Variants in GTPBP1 observed in about 807,000 individuals in gnomAD.
The protein encoded by GTPBP1 is GTP binding protein 1.
Under a neutral mutation model 62.0 loss-of-function variants are expected in GTPBP1, and 23 were observed. The ratio of observed to expected loss-of-function variants is 0.37; its 90% CI spans 0.27 to 0.53. GTPBP1 has a LOEUF of 0.53. Ranked by LOEUF, GTPBP1 falls within the 20% of genes least tolerant of loss-of-function variation. GTPBP1 has a pLI of 0.89. For synonymous variants in GTPBP1, 344 were observed against 364.4 expected, an observed-to-expected ratio of 0.94 and a Z score of 0.64; for missense variants, 640 against 917.3, an observed-to-expected ratio of 0.70 and a Z score of 3.90.
At chr22:38,739,493 C>T (rs1361997172), downstream of GTPBP1, 27 of 1,573,620 alleles carry the variant, frequency 1.7e-5, no homozygotes, top group Middle Eastern at 1.9e-4. This position sits in a 1 kb window ranked among gnomAD's most constrained non-coding sequence, Gnocchi z 6.7. Flanking sequence ...ACCTCGTGGC[C>T]GTGGGCCAAG....
chr22:38,726,014 C>T lies in GTPBP1; in HGVS notation c.1082C>T (p.Pro361Leu), dbSNP rs913175381. 1.2e-6 allele frequency: 2 copies of T among 1,613,934 alleles called. No homozygotes were observed. Among genetic ancestry groups the T allele is most frequent in the African/African-American group, 1.3e-5 (1 of 74,966 alleles). ...CTTCTCCCTCTGCTTAGGATGTGCC[C>T]GATATTCCAGATCTCCAACGTTACA... ...ASNFSSERMC[P>L]IFQISNVTGE... is the part of the protein sequence containing the mutation. The change falls in exon 7 of 12, where the codon CCG becomes CTG. Residue 361 changes from proline (P) to leucine (L), a missense_variant. This residue lies in a region of GTPBP1 where 220 missense variants were observed against 358.1 expected (regional missense o/e 0.61). Coordinates refer to ENST00000216044, the MANE Select transcript of GTPBP1 (RefSeq NM_004286.5). The surrounding 1 kb of genome is among the most constrained non-coding windows in gnomAD (Gnocchi z 4.1).
rs777198868 is a variant in GTPBP1, at chr22:38,727,273, G to T, written c.1462G>T (p.Ala488Ser). ...GGTTTCCCCACGTTTGAATCCCCAAGCCTCCTGGGAGTTTGAGGCCGAGAT... is the reference window on the plus strand; with the variant it reads ...GGTTTCCCCACGTTTGAATCCCCAATCCTCCTGGGAGTTTGAGGCCGAGAT... Reference protein sequence around the residue: ...VMVSPRLNPQASWEFEAEILV... With the variant: ...VMVSPRLNPQSSWEFEAEILV... Residue 488 changes from alanine to serine, a missense_variant, in exon 9 of 12, where the codon GCC (alanine) becomes TCC (serine). By Grantham distance (99) the Ala-to-Ser change is moderately conservative. Around this residue, in one of 4 missense-constraint regions of GTPBP1, gnomAD observed 220 missense variants for 358.1 expected, o/e 0.61. Transcript: ENST00000216044. The surrounding 1 kb of genome is among the most constrained non-coding windows in gnomAD (Gnocchi z 6.5). The T allele has an allele frequency of 1.9e-6, 3 of 1,602,690 alleles. No homozygotes were observed. In the South Asian group the frequency reaches 3.3e-5, roughly 18 times the overall value.
intron 4 of GTPBP1, among the ~76,000 whole-genome samples, chr22:38,718,150 C>T (rs926803519): frequency 6.6e-6 from 1 of 152,154 alleles, no homozygotes; most frequent in African/African-American, 2.4e-5. Flanking sequence ...TTCAATGTTG[C>T]AAAGGGCCAT....
chr22:38,730,549 C>T lies in GTPBP1; in HGVS notation c.1918-63C>T. On this transcript the variant is annotated intron_variant, in intron 11 of 11. Transcript: ENST00000216044. The surrounding 1 kb of genome is among the most constrained non-coding windows in gnomAD (Gnocchi z 5.6). ...TCCCTGTCTCCCCGCTGCTCAGCACCTCTGCTCTCTGGCCCTGCTCCTGAT... is the reference window on the plus strand; with the variant it reads ...TCCCTGTCTCCCCGCTGCTCAGCACTTCTGCTCTCTGGCCCTGCTCCTGAT... 1 of 1,123,098 alleles carries T rather than the reference C, an allele frequency of 8.9e-7. No individual in the cohort carries two copies. Among genetic ancestry groups the T allele is most frequent in the Non-Finnish European group, 1.3e-6 (1 of 745,174 alleles). The allele number at this position is 1,123,098 out of a possible 1,614,324, so 69.6% of individuals were successfully genotyped here. A position where few individuals can be genotyped will look rare whatever the true frequency, so the allele number is the denominator to read the frequency against.
At chr22:38,707,624 A>G (rs1320359784) in intron 1 of GTPBP1, among the ~76,000 whole-genome samples, 2 of 152,348 alleles carry the variant, frequency 1.3e-5, no homozygotes, top group East Asian at 1.9e-4. Flanking sequence ...AACAAACTGG[A>G]TGTCAACACA....
In GTPBP1 at chr22:38,706,036, G is replaced by A; in HGVS notation, c.81G>A (p.Gly27=). 1.4e-6 allele frequency: 2 copies of A among 1,385,634 alleles called. No individual in the cohort carries two copies. The highest frequency in any genetic ancestry group is 3.3e-5 in the Admixed American group (1 of 29,928). 85.8% of individuals were successfully genotyped at this position (1,385,634 alleles called of 1,614,324 possible). Residue 27 remains glycine, a synonymous_variant, in exon 1 of 12, where the codon GGG becomes GGA. Coordinates refer to ENST00000216044, the MANE Select transcript of GTPBP1 (RefSeq NM_004286.5). ...TCGCCCCCGAGCCCAGCTCCCCGGG[G>A]GCGGCCAGGGCCGCGGCGGCCGCCG... ...SMFAPEPSSP[G]AARAAAAAAR...
downstream of GTPBP1, chr22:38,738,170 T>C (rs565952344): frequency 6.2e-7 from 1 of 1,613,828 alleles, no homozygotes; most frequent in East Asian, 2.2e-5. The surrounding 1 kb of genome is among the most constrained non-coding windows in gnomAD (Gnocchi z 6.6). Flanking sequence ...CAGCATCCCG[T>C]ACCTGAAAGT....
chr22:38,731,955 AGGT>A lies in GTPBP1; in HGVS notation c.*1254_*1256del. The stretch of plus-strand genomic sequence containing the variant: ...GGGGTGGGACTGTGCAGGCCAGAGA[AGGT>A]GGCATGGGCCTGAACCCACCTGGAC... On this transcript the variant is annotated 3_prime_UTR_variant, in exon 12 of 12. Coordinates refer to ENST00000216044, the MANE Select transcript of GTPBP1 (RefSeq NM_004286.5). The A allele has an allele frequency of 6.6e-6, 1 of 152,540 alleles. No homozygotes were observed. Among genetic ancestry groups the A allele is most frequent in the South Asian group, 2.1e-4 (1 of 4,826 alleles). The allele number at this position is 152,540 out of a possible 1,614,324, so 9.4% of individuals were successfully genotyped here. A position where few individuals can be genotyped will look rare whatever the true frequency, so the allele number is the denominator to read the frequency against.
At position 38,732,041 on chromosome 22, in the gene GTPBP1, TCTCTAGCCGGGGCAGACAC is replaced by T. The variant is rs1462347286; in HGVS notation, c.*1339_*1357del. ...AGGCTGGTGGGTGGGGGTGGTTCGTTCTCTAGCCGGGGCAGACACCCAGCTGGCTGGGTCCTTCCTCAGC... is the reference window on the plus strand; with the variant it reads ...AGGCTGGTGGGTGGGGGTGGTTCGTTCCAGCTGGCTGGGTCCTTCCTCAGC... On this transcript the variant is annotated 3_prime_UTR_variant, in exon 12 of 12. Transcript: ENST00000216044. 7 of 152,678 alleles carry T rather than the reference TCTCTAGCCGGGGCAGACAC, an allele frequency of 4.6e-5. No homozygotes were observed. The East Asian group carries it at 1.4e-3, about 30-fold the overall frequency. The allele number at this position is 152,678 out of a possible 1,614,324, so 9.5% of individuals were successfully genotyped here. A position where few individuals can be genotyped will look rare whatever the true frequency, so the allele number is the denominator to read the frequency against.
At chr22:38,710,454 G>C (rs991750384) in intron 2 of GTPBP1, among the ~76,000 whole-genome samples, 5 of 152,166 alleles carry the variant, frequency 3.3e-5, no homozygotes, top group Non-Finnish European at 7.3e-5. Context: ...TTTCGTATCT[G>C]TTCTTTCCTT....
rs989468800 is a variant in GTPBP1 at position 38,716,276 on chromosome 22, G to A, written c.485+189G>A. 14 of 606,650 alleles carry A rather than the reference G, an allele frequency of 2.3e-5. No homozygotes were observed. In the African/African-American group the frequency reaches 2.4e-4, roughly 10 times the overall value. 37.6% of individuals were successfully genotyped at this position (606,650 alleles called of 1,614,324 possible). ...CTGTCACTTTGGGAAGAGCACGAGA[G>A]AGGCCAGCCGTGCATTCTGTGGCCA... is the stretch of plus-strand genomic sequence containing the variant. On this transcript the variant is annotated intron_variant, in intron 3 of 11. Coordinates refer to ENST00000216044, the MANE Select transcript of GTPBP1 (RefSeq NM_004286.5). This position sits in a 1 kb window ranked among gnomAD's most constrained non-coding sequence, Gnocchi z 5.2.
rs965741408 is a variant in GTPBP1, at chr22:38,725,914, A to C, written c.1074-92A>C. On this transcript the variant is annotated intron_variant, in intron 6 of 11. Transcript: ENST00000216044. ...CATGAATAGTGGCATCTGCTCCTCG[A>C]GCCCTGTTGCTGCCCCTGGTCTGTG... The C allele has an allele frequency of 9.2e-6, 11 of 1,190,568 alleles. No homozygotes were observed. The African/African-American group carries it at 1.7e-4, about 18-fold the overall frequency. The allele number at this position is 1,190,568 out of a possible 1,614,324, so 73.8% of individuals were successfully genotyped here. A position where few individuals can be genotyped will look rare whatever the true frequency, so the allele number is the denominator to read the frequency against.
chr22:38,712,454 T>A (rs2092645427), intron 2 of GTPBP1, among the ~76,000 whole-genome samples: 1 of 152,128 alleles, frequency 6.6e-6, no homozygotes, highest in African/African-American at 2.4e-5. Context: ...GGTCCTTAAA[T>A]GCCATGCCAA....
chr22:38,741,420 G>A (rs2092856604), downstream of GTPBP1: 24 of 1,464,858 alleles, frequency 1.6e-5, no homozygotes, highest in Middle Eastern at 1.9e-4. Flanking sequence ...TGGAAGGGCC[G>A]AGGGGTCCGA....
rs777648416 is a variant in GTPBP1, at chr22:38,733,486, G to GTC, written c.*2783_*2784insCT. On this transcript the variant is annotated 3_prime_UTR_variant, in exon 12 of 12. Coordinates refer to ENST00000216044, the MANE Select transcript of GTPBP1 (RefSeq NM_004286.5). The stretch of plus-strand genomic sequence containing the variant: ...CCATGCTTTACTGTGTTTAATGGGG[G>GTC]TAACAGGGGTCCCTACAGCCCTCCC... 1.3e-5 allele frequency: 2 copies of GTC among 152,288 alleles called. No individual in the cohort carries two copies. Among genetic ancestry groups the GTC allele is most frequent in the Non-Finnish European group, 2.9e-5 (2 of 68,082 alleles). The allele number at this position is 152,288 out of a possible 1,614,324, so 9.4% of individuals were successfully genotyped here.
At chr22:38,708,656 C>G (rs2092620371) in intron 1 of GTPBP1, among the ~76,000 whole-genome samples, 189 bp from the exon 2 acceptor site, 1 of 152,168 alleles carries the variant, frequency 6.6e-6, no homozygotes, top group Non-Finnish European at 1.5e-5. Flanking sequence ...TATTATTTGG[C>G]TCATATAAGG....
chr22:38,737,984 C>A (rs1274826013), downstream of GTPBP1: 2 of 712,580 alleles, frequency 2.8e-6, no homozygotes, highest in African/African-American at 3.5e-5. The surrounding 1 kb of genome is among the most constrained non-coding windows in gnomAD (Gnocchi z 4.1). Context: ...CTGGAAGGTG[C>A]CTTCCCCTGT....
At chr22:38,721,006 A>T (rs868222891) in intron 4 of GTPBP1, among the ~76,000 whole-genome samples, 1 of 152,204 alleles carries the variant, frequency 6.6e-6, no homozygotes, top group South Asian at 2.1e-4. Flanking sequence ...CCCAGGCTCA[A>T]GTGATCCTCC....
chr22:38,738,950 C>T (rs868474704), downstream of GTPBP1: 4 of 1,613,538 alleles, frequency 2.5e-6, no homozygotes, highest in African/African-American at 1.3e-5. This position sits in a 1 kb window ranked among gnomAD's most constrained non-coding sequence, Gnocchi z 6.6. Flanking sequence ...GTCTTGGTCT[C>T]GTAGGTCTCA....
Sources: gnomAD v4.1 joint callset for allele counts (sites outside exome capture counted in the v4.1 genomes callset) on GRCh38, gnomAD v4.1.1 for gene constraint, gnomAD v4.1.1 regional missense constraint, Gnocchi (gnomAD v3.1) non-coding constraint, MANE v1.5 for transcripts, NCBI Gene and HGNC (gene_info 2026-07-23, HGNC 2026-07-21) for gene names.